The following DBNDD2 variants were observed in gnomAD, a reference collection of about 807,000 sequenced individuals.
DBNDD2 encodes dysbindin domain containing 2, also known as dysbindin domain-containing protein 2.
DBNDD2 carries 8 observed loss-of-function variants against 14.0 expected under a neutral mutation model. The observed-to-expected ratio is 0.57, with a 90% CI of 0.33 to 1.03. The LOEUF (loss-of-function observed/expected upper bound fraction) is 1.03. Among genes scored for constraint, DBNDD2 ranks in the 50% least tolerant of loss-of-function variants. The pLI is 0.03. For missense variants in DBNDD2, 194 were observed against 206.0 expected, an observed-to-expected ratio of 0.94 and a Z score of 0.36; for synonymous variants, 94 against 85.3, an observed-to-expected ratio of 1.10 and a Z score of -0.56.
At chr20:45,409,665 G>A (rs1432526692) in intron 2 of DBNDD2, among the ~76,000 whole-genome samples, 1 of 152,198 alleles carries the variant, frequency 6.6e-6, no homozygotes, top group Non-Finnish European at 1.5e-5. Flanking sequence ...CTTGCTCAAA[G>A]CCACTCAGCA....
upstream of DBNDD2, chr20:45,407,565 A>G: frequency 1.0e-6 from 1 of 986,542 alleles, no homozygotes; most frequent in Non-Finnish European, 1.2e-6. Flanking sequence ...GTGCTCTGGC[A>G]GGGTCTCAGC....
intron 2 of DBNDD2, 186 bp downstream of exon 2, chr20:45,409,124 C>A: frequency 8.7e-7 from 1 of 1,143,326 alleles, no homozygotes; most frequent in African/African-American, 1.6e-5. Context: ...AACTGGGTTA[C>A]ACATCTCTAA....
intron 2 of DBNDD2, chr20:45,409,145 T>C (rs1280111948): frequency 1.4e-4 from 108 of 797,184 alleles, no homozygotes; most frequent in Non-Finnish European, 9.6e-6. Flanking sequence ...TCCAAAATTC[T>C]GGGAACGGTC....
chr20:45,408,163 T>C (rs866753101), upstream of DBNDD2: 2 of 1,546,120 alleles, frequency 1.3e-6, no homozygotes, highest in African/African-American at 1.4e-5. Flanking sequence ...GGGCATGATA[T>C]GGAGAGTTGG....
upstream of DBNDD2, chr20:45,406,387 A>G: frequency 7.1e-7 from 1 of 1,417,180 alleles, no homozygotes; most frequent in East Asian, 3.0e-5. Flanking sequence ...GCGAGCGGAG[A>G]CTAGCGCACC....
upstream of DBNDD2, among the ~76,000 whole-genome samples, chr20:45,406,937 T>A (rs1272934731): frequency 3.9e-5 from 6 of 152,194 alleles, no homozygotes; most frequent in African/African-American, 4.8e-5. Flanking sequence ...CGCTGGCTCC[T>A]GCCCGGCCCC....
Position 45,410,126 on chromosome 20 carries a change from G to A in DBNDD2, c.472G>A (p.Gly158Arg), listed in dbSNP as rs921353862. 1.3e-6 allele frequency: 2 copies of A among 1,551,950 alleles called. No homozygotes were observed. Among genetic ancestry groups the A allele is most frequent in the Admixed American group, 3.9e-5 (2 of 51,018 alleles). Residue 158 changes from glycine (G) to arginine (R), a missense_variant, in exon 3 of 3, where the codon GGA (glycine) becomes AGA (arginine). Gly to Arg is a moderately radical substitution (Grantham distance 125, BLOSUM62 -2). Transcript: ENST00000372710. ...EERGDGGAEPGACS is the reference protein window; with the variant it reads ...EERGDGGAEPRACS ...AAGGGGTGATGGAGGGGCAGAGCCT[G>A]GAGCCTGCAGCTAGCAGTGGGCCCC...
chr20:45,406,358 G>A, upstream of DBNDD2: 1 of 1,209,184 alleles, frequency 8.3e-7, no homozygotes. Context: ...CGGGGCGGGG[G>A]CGCAGCAAGT....
chr20:45,409,631 C>T (rs1032220119), intron 2 of DBNDD2, among the ~76,000 whole-genome samples: 30 of 152,202 alleles, frequency 2.0e-4, no homozygotes, highest in African/African-American at 5.5e-4. Context: ...AGAGGAGGAA[C>T]AGAGTCCTTG....
rs953899297 is a variant in DBNDD2 at position 45,410,457 on chromosome 20, G to T, written c.*317G>T. ...CTTCCCTCCCCTAAACCATCCCGTAGTCTTCTAATACAGTCTCTCAGACAA... is the reference window on the plus strand; with the variant it reads ...CTTCCCTCCCCTAAACCATCCCGTATTCTTCTAATACAGTCTCTCAGACAA... On this transcript the variant is annotated 3_prime_UTR_variant, in exon 3 of 3. Coordinates refer to ENST00000372710, the MANE Select transcript of DBNDD2 (RefSeq NM_001048225.4). 2 of 375,188 alleles carry T rather than the reference G, an allele frequency of 5.3e-6. No homozygotes were observed. Among genetic ancestry groups the T allele is most frequent in the African/African-American group, 4.1e-5 (2 of 48,324 alleles). 23.2% of individuals were successfully genotyped at this position (375,188 alleles called of 1,614,324 possible). A position where few individuals can be genotyped will look rare whatever the true frequency, so the allele number is the denominator to read the frequency against.
upstream of DBNDD2, chr20:45,406,167 ACTCT>A: frequency 2.5e-6 from 1 of 404,176 alleles, no homozygotes; most frequent in Non-Finnish European, 4.4e-6. Flanking sequence ...GCGGGTCCCA[ACTCT>A]CTCTTTCCCA....
intron 2 of DBNDD2, chr20:45,409,152 G>A (rs1442436563): frequency 1.9e-5 from 13 of 700,634 alleles, no homozygotes; most frequent in East Asian, 2.8e-5. Flanking sequence ...TTCTGGGAAC[G>A]GTCAATCTCT....
At chr20:45,407,906 G>A, upstream of DBNDD2, 1 of 1,287,826 alleles carries the variant, frequency 7.8e-7, no homozygotes, top group Non-Finnish European at 9.8e-7. Flanking sequence ...GATGGCACAT[G>A]CGTGTGTACG....
Position 45,408,598 on chromosome 20 carries a change from C to G in DBNDD2, c.131C>G (p.Ser44Trp), listed in dbSNP as rs1454965157. 3 of 1,612,938 alleles carry G rather than the reference C, an allele frequency of 1.9e-6. No individual in the cohort carries two copies. Among genetic ancestry groups the G allele is most frequent in the Non-Finnish European group, 2.5e-6 (3 of 1,179,062 alleles). ...CCTCTGTCCCATCTGCATCTCGAGT[C>G]GCAGAGACGTAAGTCCCAAGTCCTG... Reference protein sequence around the residue: ...VFPLSHLHLESQRPPIGSISS... With the variant: ...VFPLSHLHLEWQRPPIGSISS... Residue 44 changes from serine to tryptophan, a missense_variant, in exon 1 of 3, where the codon TCG (serine) becomes TGG (tryptophan). By Grantham distance (177) the Ser-to-Trp change is radical. Coordinates refer to ENST00000372710, the MANE Select transcript of DBNDD2 (RefSeq NM_001048225.4).
upstream of DBNDD2, among the ~76,000 whole-genome samples, chr20:45,407,050 G>A (rs551228899): frequency 3.4e-4 from 52 of 152,304 alleles, no homozygotes; most frequent in African/African-American, 1.2e-3. Flanking sequence ...CCCCCCGGGG[G>A]ACAGCTCCTT....
chr20:45,408,310 G>C lies in DBNDD2; in HGVS notation c.-158G>C, dbSNP rs771254131. The stretch of plus-strand genomic sequence containing the variant: ...GGACACACTTGGTTTCAGGGAAGGG[G>C]AAAGAGGTCACCAAGGGCAGAGGTG... On this transcript the variant is annotated 5_prime_UTR_variant, in exon 1 of 3. Coordinates refer to ENST00000372710, the MANE Select transcript of DBNDD2 (RefSeq NM_001048225.4). 18 of 1,577,354 alleles carry C rather than the reference G, an allele frequency of 1.1e-5. 1 individual carries two copies. The South Asian group carries it at 1.8e-4, about 16-fold the overall frequency.
upstream of DBNDD2, chr20:45,407,889 T>G (rs1324967543): frequency 8.2e-7 from 1 of 1,220,776 alleles, no homozygotes; most frequent in African/African-American, 1.5e-5. Context: ...AGCAAGGGTT[T>G]GGGGTAGATG....
At position 45,408,907 on chromosome 20, in the gene DBNDD2, C is replaced by A; in HGVS notation, c.246C>A (p.Cys82Ter). The A allele has an allele frequency of 1.2e-6, 2 of 1,614,156 alleles. No individual in the cohort carries two copies. Among genetic ancestry groups the A allele is most frequent in the South Asian group, 1.1e-5 (1 of 91,084 alleles). ...ATGCAGCAGATGTGTTCTTGCCTTG[C>A]GAAGATCCTCCACCAACCCCCCAGT... ...DPDAADVFLP[C>*]EDPPPTPQSS... Residue 82 changes from cysteine (C) to a stop codon, truncating the protein, a stop_gained, in exon 2 of 3, where the codon TGC becomes TGA. Transcript: ENST00000372710. LOFTEE classifies it high-confidence loss of function.
In DBNDD2 at chr20:45,408,605, A is replaced by G; in HGVS notation, c.138A>G (p.Arg46=). Residue 46 remains arginine (R), a splice_region_variant and synonymous_variant, in exon 1 of 3, where the codon AGA becomes AGG. Coordinates refer to ENST00000372710, the MANE Select transcript of DBNDD2 (RefSeq NM_001048225.4). ...CCCATCTGCATCTCGAGTCGCAGAG[A>G]CGTAAGTCCCAAGTCCTGAGAAGAG... is the stretch of plus-strand genomic sequence containing the variant. ...PLSHLHLESQ[R]PPIGSISSME... is the part of the protein sequence containing the mutation. 6.2e-7 allele frequency: 1 copy of G among 1,612,512 alleles called. No homozygotes were observed. The highest frequency in any genetic ancestry group is 1.1e-5 in the South Asian group (1 of 91,044).
Sources: gnomAD v4.1 joint callset for allele counts (sites outside exome capture counted in the v4.1 genomes callset) on GRCh38, gnomAD v4.1.1 for gene constraint, MANE v1.5 for transcripts, NCBI Gene and HGNC (gene_info 2026-07-23, HGNC 2026-07-21) for gene names.